The following PEX14 variants were observed in gnomAD, a reference collection of about 807,000 sequenced individuals.
PEX14 encodes peroxisomal membrane protein PEX14.
Under a neutral mutation model 49.5 loss-of-function variants are expected in PEX14, and 15 were observed. That is an observed-to-expected ratio of 0.30 (90% CI 0.20 to 0.47). PEX14 has a LOEUF of 0.47. Among genes scored for constraint, PEX14 ranks in the 20% least tolerant of loss-of-function variants. The pLI is 1.00. For missense variants in PEX14, 398 were observed against 494.8 expected (o/e 0.80, Z 1.86); for synonymous variants, 210 against 212.7 (o/e 0.99, Z 0.11).
At chr1:10,526,024 C>T (rs1247140561) in intron 2 of PEX14, among the ~76,000 whole-genome samples, 2 of 149,652 alleles carry the variant, frequency 1.3e-5, no homozygotes, top group Non-Finnish European at 3.0e-5. Flanking sequence ...CAGGTTCAAG[C>T]GATTCTCCTA....
chr1:10,610,844 A>G (rs1030509059), intron 4 of PEX14, among the ~76,000 whole-genome samples: 3 of 152,090 alleles, frequency 2.0e-5, no homozygotes, highest in Admixed American at 2.0e-4. Flanking sequence ...TCTCTGTCAC[A>G]TGTTTTCCTT....
intron 2 of PEX14, among the ~76,000 whole-genome samples, chr1:10,533,542 G>A (rs1023665650): frequency 2.0e-5 from 3 of 152,086 alleles, no homozygotes; most frequent in South Asian, 2.1e-4. Context: ...GGATTCGCTC[G>A]TTTATGCTGT....
chr1:10,624,405 C>A lies in PEX14; in HGVS notation c.553C>A (p.Gln185Lys). The change falls in exon 7 of 9, where the codon CAG becomes AAG. Residue 185 changes from glutamine to lysine, a missense_variant. Physicochemically the swap from Gln to Lys is moderately conservative, Grantham distance 53 (BLOSUM62 1). Transcript: ENST00000356607. ...GCTGATTCAGCAGCAGCAGAAGATC[C>A]AGGAGCTTGCCCACGAGCTGGCCGC... is the stretch of plus-strand genomic sequence containing the variant. ...ELLIQQQQKI[Q>K]ELAHELAAAK... is the part of the protein sequence containing the mutation. The A allele has an allele frequency of 6.2e-7, 1 of 1,613,194 alleles. No homozygotes were observed. Among genetic ancestry groups the A allele is most frequent in the Non-Finnish European group, 8.5e-7 (1 of 1,179,596 alleles).
intron 3 of PEX14, among the ~76,000 whole-genome samples, chr1:10,567,645 C>T (rs2124543439): frequency 6.6e-6 from 1 of 152,240 alleles, no homozygotes; most frequent in East Asian, 1.9e-4. Context: ...CACGCATGCA[C>T]CACCACGCCG....
chr1:10,617,442 A>AGTCCACCTGGTGCCACCT (rs1352938419), intron 4 of PEX14, among the ~76,000 whole-genome samples: 20 of 152,084 alleles, frequency 1.3e-4, no homozygotes, highest in African/African-American at 4.8e-4. Context: ...TTGACCACAC[A>AGTCCACCTGGTGCCACCT]GTCCACCTGG....
chr1:10,489,041 C>T (rs766646852), intron 1 of PEX14, among the ~76,000 whole-genome samples: 3 of 152,100 alleles, frequency 2.0e-5, no homozygotes, highest in Non-Finnish European at 4.4e-5. Context: ...AGTGCAATGG[C>T]GCGATCTCGG....
intron 4 of PEX14, among the ~76,000 whole-genome samples, chr1:10,614,086 G>A (rs1316103069): frequency 1.3e-5 from 2 of 152,250 alleles, no homozygotes; most frequent in Admixed American, 6.5e-5. Flanking sequence ...GGGAGGGGCA[G>A]GACTTGAGGT....
At chr1:10,579,679 G>T (rs1640254068) in intron 3 of PEX14, among the ~76,000 whole-genome samples, 1 of 152,104 alleles carries the variant, frequency 6.6e-6, no homozygotes, top group African/African-American at 2.4e-5. Flanking sequence ...CCCCCTTTTA[G>T]ACTATAGAGG....
chr1:10,517,458 T>G lies in PEX14; in HGVS notation c.85-18755T>G, dbSNP rs117056076. On this transcript the variant is annotated intron_variant, in intron 2 of 8. Coordinates refer to ENST00000356607, the MANE Select transcript of PEX14 (RefSeq NM_004565.3). ...GTCAGGCTCATTAATTAAAGGAGCC[T>G]GGCTTGAGAGGCCTGTAATTATAGG... is the stretch of plus-strand genomic sequence containing the variant. Among the ~76,000 whole-genome samples the G allele has an allele frequency of 6.4e-4, 97 of 152,254 alleles. No homozygotes were observed. The East Asian group carries it at 0.015, about 24-fold the overall frequency.
At chr1:10,619,402 C>T (rs112580540) in intron 5 of PEX14, among the ~76,000 whole-genome samples, 3 of 151,514 alleles carry the variant, frequency 2.0e-5, no homozygotes, top group Admixed American at 1.3e-4. Flanking sequence ...CTGCAAGCTC[C>T]GCCTCCTGAG....
chr1:10,511,431 T>C (rs1226152923), intron 2 of PEX14, among the ~76,000 whole-genome samples: 1 of 152,202 alleles, frequency 6.6e-6, no homozygotes. Context: ...TCTTTCCAGC[T>C]TTAATGCTAT....
chr1:10,528,878 C>G (rs1279070803), intron 2 of PEX14, among the ~76,000 whole-genome samples: 1 of 152,212 alleles, frequency 6.6e-6, no homozygotes, highest in Non-Finnish European at 1.5e-5. Context: ...GCTCGTTTGC[C>G]TTCTCTGCTG....
At chr1:10,585,926 A>G (rs1228353696) in intron 3 of PEX14, among the ~76,000 whole-genome samples, 2 of 152,268 alleles carry the variant, frequency 1.3e-5, no homozygotes, top group South Asian at 2.1e-4. Flanking sequence ...AGTCAGAGAT[A>G]GAAAAATTTC....
At chr1:10,515,016 A>G (rs778938163) in intron 2 of PEX14, among the ~76,000 whole-genome samples, 1 of 152,112 alleles carries the variant, frequency 6.6e-6, no homozygotes, top group Non-Finnish European at 1.5e-5. Context: ...GTGGGAAGAG[A>G]GCGCAGAGGG....
intron 3 of PEX14, among the ~76,000 whole-genome samples, chr1:10,566,955 C>T (rs1639823002): frequency 6.6e-6 from 1 of 152,080 alleles, no homozygotes. Flanking sequence ...CAAGGGTTGA[C>T]ACACTTTTTC....
At chr1:10,480,463 G>A (rs1236378963) in intron 1 of PEX14, among the ~76,000 whole-genome samples, 14 of 141,826 alleles carry the variant, frequency 9.9e-5, no homozygotes, top group Non-Finnish European at 1.5e-4. Flanking sequence ...GCACAATCTC[G>A]GCTCACTGCA....
At chr1:10,594,372 T>C (rs1640769089) in intron 3 of PEX14, among the ~76,000 whole-genome samples, 1 of 152,088 alleles carries the variant, frequency 6.6e-6, no homozygotes, top group Non-Finnish European at 1.5e-5. Context: ...CCAGATGAAT[T>C]GGCCAAGTCC....
At chr1:10,506,388 C>T (rs1240634913) in intron 2 of PEX14, among the ~76,000 whole-genome samples, 2 of 152,204 alleles carry the variant, frequency 1.3e-5, no homozygotes, top group African/African-American at 4.8e-5. Flanking sequence ...AAGTGATTCT[C>T]CTGTCTCAGC....
intron 3 of PEX14, among the ~76,000 whole-genome samples, chr1:10,552,754 G>A (rs1335844136): frequency 1.3e-5 from 2 of 152,184 alleles, no homozygotes; most frequent in Non-Finnish European, 2.9e-5. Context: ...GTATCTGAGT[G>A]GAGGCCTGGG....
Sources: allele counts gnomAD v4.1 joint callset (sites outside exome capture counted in the v4.1 genomes callset), GRCh38; gene constraint gnomAD v4.1.1; transcripts MANE v1.5; gene names NCBI Gene and HGNC (gene_info 2026-07-23, HGNC 2026-07-21).